The following SPTLC3 variants were observed in gnomAD, a reference collection of about 807,000 sequenced individuals.
SPTLC3 encodes the protein serine palmitoyltransferase long chain base subunit 3.
SPTLC3 carries 36 observed loss-of-function variants against 59.3 expected under a neutral mutation model. The observed-to-expected ratio is 0.61, with a 90% confidence interval of 0.47 to 0.80. The LOEUF (loss-of-function observed/expected upper bound fraction) is 0.80, where lower values mean the gene tolerates loss of function less well. Ranked by LOEUF, SPTLC3 falls within the 30% of genes least tolerant of loss-of-function variation. The pLI is 0.00. For synonymous variants in SPTLC3, 257 were observed against 240.8 expected, an observed-to-expected ratio of 1.07 and a Z score of -0.62; for missense variants, 625 against 685.1, an observed-to-expected ratio of 0.91 and a Z score of 0.98.
intron 1 of SPTLC3, among the ~76,000 whole-genome samples, chr20:13,027,401 A>G (rs146186296): frequency 9.2e-5 from 14 of 152,236 alleles, no homozygotes; most frequent in Admixed American, 9.2e-4. Flanking sequence ...AGGATGAGAA[A>G]ATGGGGCTCA....
intron 1 of SPTLC3, among the ~76,000 whole-genome samples, chr20:13,039,844 T>G (rs1986895622): frequency 6.6e-6 from 1 of 152,114 alleles, no homozygotes; most frequent in Non-Finnish European, 1.5e-5. Flanking sequence ...CGCAAATTTA[T>G]ACAAACTTAA....
intron 2 of SPTLC3, 77 bp from the exon 3 acceptor site, chr20:13,072,179 C>T (rs866885573): frequency 5.4e-6 from 8 of 1,477,968 alleles, no homozygotes; most frequent in Middle Eastern, 3.8e-4. Context: ...TCTTCCAGGT[C>T]TTCTTCCCTG....
At chr20:13,162,641 T>C (rs966431921) in intron 11 of SPTLC3, among the ~76,000 whole-genome samples, 2 of 152,230 alleles carry the variant, frequency 1.3e-5, no homozygotes, top group African/African-American at 4.8e-5. Flanking sequence ...CAATACTTAA[T>C]GTCTCCCTCT....
chr20:13,072,086 A>T (rs1410437150), intron 2 of SPTLC3, among the ~76,000 whole-genome samples, 170 bp from the exon 3 acceptor site: 1 of 152,146 alleles, frequency 6.6e-6, no homozygotes, highest in Non-Finnish European at 1.5e-5. Context: ...ACTAAAAGGC[A>T]TGTTCTTTAG....
At chr20:13,026,710 C>A (rs1450383974) in intron 1 of SPTLC3, among the ~76,000 whole-genome samples, 1 of 152,204 alleles carries the variant, frequency 6.6e-6, no homozygotes, top group Non-Finnish European at 1.5e-5. Flanking sequence ...ATGACCATAG[C>A]AGACCCTGCT....
At chr20:13,117,849 C>A in intron 8 of SPTLC3, 124 bp downstream of exon 8, 1 of 887,964 alleles carries the variant, frequency 1.1e-6, no homozygotes, top group Non-Finnish European at 1.7e-6. Context: ...ATCACTCCAG[C>A]CTGGCTACAG....
At chr20:13,157,657 A>G (rs183297960) in intron 10 of SPTLC3, among the ~76,000 whole-genome samples, 3 of 151,874 alleles carry the variant, frequency 2.0e-5, no homozygotes, top group Non-Finnish European at 2.9e-5. Flanking sequence ...AACAATCACT[A>G]CAAACAGAAA....
At chr20:13,030,592 C>T (rs1026329598) in intron 1 of SPTLC3, among the ~76,000 whole-genome samples, 13 of 152,088 alleles carry the variant, frequency 8.5e-5, no homozygotes, top group Non-Finnish European at 1.9e-4. Flanking sequence ...TACATTTGTT[C>T]CTTCATTCAT....
In SPTLC3 at chr20:13,166,524, C is replaced by T. The variant is rs188381923; in HGVS notation, c.*1657C>T. 1.4e-4 allele frequency: 21 copies of T among 152,244 alleles called. No homozygotes were observed. The highest frequency in any genetic ancestry group is 5.1e-4 in the African/African-American group (21 of 41,542). The allele number at this position is 152,244 out of a possible 1,614,324, so 9.4% of individuals were successfully genotyped here. On this transcript the variant is annotated 3_prime_UTR_variant, in exon 12 of 12. Coordinates refer to ENST00000399002, the MANE Select transcript of SPTLC3 (RefSeq NM_018327.4). Reference sequence around the variant, plus strand: ...GTTTCCCATCCAATGATTTTGATAACAAAATTCCAACTTTTCTCAATGAAA... The same window carrying T: ...GTTTCCCATCCAATGATTTTGATAATAAAATTCCAACTTTTCTCAATGAAA...
intron 9 of SPTLC3, among the ~76,000 whole-genome samples, chr20:13,130,501 G>C (rs1321585536): frequency 6.6e-6 from 1 of 152,244 alleles, no homozygotes; most frequent in African/African-American, 2.4e-5. Context: ...CAAGCTACAG[G>C]AATAAGGTCA....
At chr20:13,089,006 G>A (rs1417090037) in intron 4 of SPTLC3, among the ~76,000 whole-genome samples, 2 of 152,096 alleles carry the variant, frequency 1.3e-5, no homozygotes, top group Non-Finnish European at 1.5e-5. Context: ...AGGCCCTTCA[G>A]TGTGACCTCT....
At position 13,160,063 on chromosome 20, in the gene SPTLC3, C is replaced by T. The variant is rs370250579; in HGVS notation, c.1476C>T (p.Ala492=). 1 of 1,613,740 alleles carries T rather than the reference C, an allele frequency of 6.2e-7. No individual in the cohort carries two copies. The highest frequency in any genetic ancestry group is 1.3e-5 in the African/African-American group (1 of 74,922). The part of the protein sequence containing the change: ...KIGVVVVGFP[A]TPLAEARARF... ...GAGTGGTGGTCGTGGGATTTCCAGC[C>T]ACTCCCCTCGCAGAAGCTCGGGCTC... The change falls in exon 11 of 12, where the codon GCC becomes GCT. Residue 492 remains alanine (A), a synonymous_variant. Transcript: ENST00000399002.
At chr20:13,070,935 C>T (rs1332903326) in intron 2 of SPTLC3, among the ~76,000 whole-genome samples, 1 of 152,172 alleles carries the variant, frequency 6.6e-6, no homozygotes, top group Non-Finnish European at 1.5e-5. Context: ...CCCAAGCATC[C>T]CTGCCCATAA....
At chr20:13,085,571 G>A (rs1387246357) in intron 4 of SPTLC3, among the ~76,000 whole-genome samples, 3 of 152,104 alleles carry the variant, frequency 2.0e-5, no homozygotes, top group South Asian at 2.1e-4. Flanking sequence ...AAGTGGCTAC[G>A]GTTACAATTT....
chr20:13,091,391 A>T (rs1600270085), intron 5 of SPTLC3, among the ~76,000 whole-genome samples, 184 bp downstream of exon 5: 1 of 151,936 alleles, frequency 6.6e-6, no homozygotes, highest in Non-Finnish European at 1.5e-5. Context: ...TGGCCAACAT[A>T]GTGAAACCCC....
At chr20:13,143,349 GTA>G (rs756742725) in intron 9 of SPTLC3, among the ~76,000 whole-genome samples, 2 of 151,638 alleles carry the variant, frequency 1.3e-5, no homozygotes, top group African/African-American at 2.4e-5. Flanking sequence ...GTGTATGAAA[GTA>G]TATATATATA....
intron 1 of SPTLC3, among the ~76,000 whole-genome samples, chr20:13,026,457 A>G (rs1413343129): frequency 2.0e-5 from 3 of 151,792 alleles, no homozygotes; most frequent in Non-Finnish European, 4.4e-5. Flanking sequence ...TGTGGTTTTG[A>G]TTTGCATTTC....
intron 6 of SPTLC3, among the ~76,000 whole-genome samples, chr20:13,099,107 A>AC (rs1388786399): frequency 6.6e-6 from 1 of 152,206 alleles, no homozygotes; most frequent in Admixed American, 6.5e-5. Context: ...CAGGCCGCAA[A>AC]ACAGCTAACC....
chr20:13,078,183 AAAATAT>A (rs1217110960), intron 4 of SPTLC3, among the ~76,000 whole-genome samples: 3 of 141,350 alleles, frequency 2.1e-5, no homozygotes, highest in Admixed American at 1.5e-4. Context: ...ATGTAAAAAG[AAAATAT>A]AAATATAAAT....
Sources: allele counts gnomAD v4.1 joint callset (sites outside exome capture counted in the v4.1 genomes callset), GRCh38; gene constraint gnomAD v4.1.1; transcripts MANE v1.5; gene names NCBI Gene and HGNC (gene_info 2026-07-23, HGNC 2026-07-21).